The following ELFN2 variants were observed in gnomAD, a reference collection of about 807,000 sequenced individuals.
ELFN2 encodes extracellular leucine rich repeat and fibronectin type III domain containing 2.
A neutral mutation model predicts 45.5 loss-of-function variants in ELFN2; 17 were observed. That is an observed-to-expected ratio of 0.37 (90% CI 0.26 to 0.56). The LOEUF (loss-of-function observed/expected upper bound fraction) is 0.56, where lower values mean the gene tolerates loss of function less well. ELFN2 is among the 20% of genes least tolerant of loss of function. The probability of loss-of-function intolerance (pLI) is 0.77; values close to 1 mark genes in which losing one functional copy is unlikely to be tolerated. For synonymous variants in ELFN2, 550 were observed against 551.5 expected, an observed-to-expected ratio of 1.00 and a Z score of 0.04; for missense variants, 922 against 1,183.2, an observed-to-expected ratio of 0.78 and a Z score of 3.24.
chr22:37,423,517 T>A (rs1932825969), intron 1 of ELFN2, among the ~76,000 whole-genome samples: 1 of 152,170 alleles, frequency 6.6e-6, no homozygotes, highest in South Asian at 2.1e-4. Flanking sequence ...TGTGTGGCCC[T>A]GGACTGGTCT....
At chr22:37,409,592 C>A (rs1932595738) in intron 2 of ELFN2, among the ~76,000 whole-genome samples, 1 of 152,240 alleles carries the variant, frequency 6.6e-6, no homozygotes, top group Non-Finnish European at 1.5e-5. Context: ...TCCCCTCAAA[C>A]CAGCCCACCC....
rs1459239788 is a variant in ELFN2 at position 37,417,265 on chromosome 22, C to A, written c.-463+504G>T. Among the ~76,000 whole-genome samples, 1 of 152,252 alleles carries A rather than the reference C, an allele frequency of 6.6e-6. No homozygotes were observed. Among genetic ancestry groups the A allele is most frequent in the Admixed American group, 6.5e-5 (1 of 15,288 alleles). The stretch of plus-strand genomic sequence containing the variant: ...CCTCCAAAATTCAATGACATAGGAT[C>A]AGGCCCCATATCAATTCTGCTGGCG... On this transcript the variant is annotated intron_variant, in intron 2 of 2. Transcript: ENST00000402918. This position sits in a 1 kb window ranked among gnomAD's most constrained non-coding sequence, Gnocchi z 4.5.
chr22:37,383,788 C>T (rs1189732463), intron 2 of ELFN2, among the ~76,000 whole-genome samples: 4 of 152,222 alleles, frequency 2.6e-5, no homozygotes, highest in Non-Finnish European at 4.4e-5. Context: ...TTAACAAGAA[C>T]CACACAGCAC....
intron 1 of ELFN2, among the ~76,000 whole-genome samples, chr22:37,350,168 G>A (rs1395218280): frequency 6.6e-6 from 1 of 150,998 alleles, no homozygotes; most frequent in Non-Finnish European, 1.5e-5. Flanking sequence ...GAGTGAGCGG[G>A]TCCAAGGAGA....
intron 1 of ELFN2, among the ~76,000 whole-genome samples, chr22:37,344,654 C>T (rs1451309935): frequency 6.6e-6 from 1 of 152,162 alleles, no homozygotes; most frequent in Non-Finnish European, 1.5e-5. Context: ...ACTGTCTCTA[C>T]CCCCCTTCCA....
intron 1 of ELFN2, among the ~76,000 whole-genome samples, chr22:37,348,180 G>A (rs1000624209): frequency 1.4e-4 from 21 of 152,370 alleles, no homozygotes; most frequent in African/African-American, 4.8e-4. Flanking sequence ...GAAGTTCACA[G>A]ACACGTGCGC....
At chr22:37,391,217 AC>A (rs1243985820) in intron 2 of ELFN2, among the ~76,000 whole-genome samples, 9 of 151,942 alleles carry the variant, frequency 5.9e-5, no homozygotes, top group Middle Eastern at 3.4e-3. Context: ...CTGGCTCCCG[AC>A]CCCCATCCCA....
intron 2 of ELFN2, among the ~76,000 whole-genome samples, chr22:37,413,416 G>C (rs1450961899): frequency 6.7e-6 from 1 of 148,942 alleles, no homozygotes; most frequent in East Asian, 2.0e-4. Flanking sequence ...AAAAAAAAAA[G>C]CTTGGCATGG....
chr22:37,358,217 A>G (rs1930995938), intron 1 of ELFN2, among the ~76,000 whole-genome samples: 1 of 152,088 alleles, frequency 6.6e-6, no homozygotes, highest in Admixed American at 6.5e-5. Flanking sequence ...GGCCCTAGAA[A>G]CAGCTTTGTC....
chr22:37,366,962 G>T (rs889842296), downstream of ELFN2, among the ~76,000 whole-genome samples: 1 of 152,208 alleles, frequency 6.6e-6, no homozygotes, highest in South Asian at 2.1e-4. Flanking sequence ...AGGCAGGCAG[G>T]GGGGCAGGAA....
At chr22:37,427,266 C>CG (rs1932860265) in intron 1 of ELFN2, 32 bp downstream of exon 1, 1 of 141,606 alleles carries the variant, frequency 7.1e-6, no homozygotes, top group Non-Finnish European at 1.5e-5. Flanking sequence ...GTCGGTCGGT[C>CG]GCGGCGCTCG....
At chr22:37,390,072 G>A (rs1420553549) in intron 2 of ELFN2, among the ~76,000 whole-genome samples, 1 of 152,212 alleles carries the variant, frequency 6.6e-6, no homozygotes, top group Non-Finnish European at 1.5e-5. Context: ...TGCCCCAACA[G>A]GCTGCATGGC....
In ELFN2 at chr22:37,373,465, C is replaced by G. The variant is rs1425654937; in HGVS notation, c.2070G>C (p.Gly690=). 6.5e-7 allele frequency: 1 copy of G among 1,531,910 alleles called. No homozygotes were observed. The highest frequency in any genetic ancestry group is 2.0e-5 in the Admixed American group (1 of 50,428). 94.9% of individuals were successfully genotyped at this position (1,531,910 alleles called of 1,614,324 possible). Residue 690 remains glycine, a synonymous_variant, in exon 3 of 3, where the codon GGG becomes GGC. Transcript: ENST00000402918. The part of the protein sequence containing the change: ...VPAGSGGGSG[G]GGGIHHLEVK... ...CCTCCAGGTGGTGGATGCCCCCGCC[C>G]CCGCCGCTGCCCCCGCCGCTGCCCG...
rs561706053 is a variant in ELFN2, at chr22:37,403,800, A to C, written c.-463+13969T>G. On this transcript the variant is annotated intron_variant, in intron 2 of 2. Transcript: ENST00000402918. ...GCCCGCCGTGTATGCACACGTGTAC[A>C]CGCACCTGCACACGCCGAGGAGACC... 1.9e-3 allele frequency among the ~76,000 whole-genome samples: 288 copies of C among 152,350 alleles called. 1 individual carries two copies. Among genetic ancestry groups the C allele is most frequent in the Non-Finnish European group, 2.6e-3 (176 of 68,030 alleles).
Position 37,373,154 on chromosome 22 carries a change from T to C in ELFN2, c.2381A>G (p.Lys794Arg). 1 of 1,613,700 alleles carries C rather than the reference T, an allele frequency of 6.2e-7. No individual in the cohort carries two copies. The highest frequency in any genetic ancestry group is 1.1e-5 in the South Asian group (1 of 91,070). ...VYMAAGHALRKKVQFAKDEDL... is the reference protein window; with the variant it reads ...VYMAAGHALRRKVQFAKDEDL... ...CTCGTCCTTGGCGAACTGGACCTTCTTGCGCAGGGCGTGACCGGCGGCCAT... is the reference window on the plus strand; with the variant it reads ...CTCGTCCTTGGCGAACTGGACCTTCCTGCGCAGGGCGTGACCGGCGGCCAT... The change falls in exon 3 of 3, where the codon AAG (lysine) becomes AGG (arginine). Residue 794 changes from lysine (K) to arginine (R), a missense_variant. This residue lies in a region of ELFN2 where 564 missense variants were observed against 642.8 expected (regional missense o/e 0.88). Coordinates refer to ENST00000402918, the MANE Select transcript of ELFN2 (RefSeq NM_052906.5).
chr22:37,412,363 C>A (rs1044571586), intron 2 of ELFN2, among the ~76,000 whole-genome samples: 44 of 152,122 alleles, frequency 2.9e-4, no homozygotes, highest in Middle Eastern at 3.4e-3. Context: ...CCTCCACCCT[C>A]AGACTGGGGC....
chr22:37,401,118 A>T (rs1450790271), intron 2 of ELFN2, among the ~76,000 whole-genome samples: 1 of 152,208 alleles, frequency 6.6e-6, no homozygotes, highest in African/African-American at 2.4e-5. Flanking sequence ...CGTGGGGCCT[A>T]GGCCAGGTGG....
At position 37,374,846 on chromosome 22, in the gene ELFN2, C is replaced by T. The variant is rs760630459; in HGVS notation, c.689G>A (p.Arg230Gln). ...GATGGCGTTGAGGCTGTGGTAGGGC[C>T]GGGGCACCAGCAGCGGGTAGCCGGC... is the stretch of plus-strand genomic sequence containing the variant. ...EFAGYPLLVP[R>Q]PYHSLNAITV... is the part of the protein sequence containing the mutation. Residue 230 changes from arginine (R) to glutamine (Q), a missense_variant, in exon 3 of 3, where the codon CGG (arginine) becomes CAG (glutamine). By Grantham distance (43) the Arg-to-Gln change is conservative. Around this residue, in one of 2 missense-constraint regions of ELFN2, gnomAD observed 358 missense variants for 540.4 expected, o/e 0.66. Coordinates refer to ENST00000402918, the MANE Select transcript of ELFN2 (RefSeq NM_052906.5). 32 of 1,607,462 alleles carry T rather than the reference C, an allele frequency of 2.0e-5. No individual in the cohort carries two copies. The highest frequency in any genetic ancestry group is 3.3e-5 in the Admixed American group (2 of 59,982).
Position 37,351,590 on chromosome 22 carries a change from C to T in ELFN2, n.149-8887G>A, listed in dbSNP as rs144677494. Among the ~76,000 whole-genome samples the T allele has an allele frequency of 5.7e-4, 86 of 150,442 alleles. 1 individual carries two copies. The highest frequency in any genetic ancestry group is 2.0e-3 in the African/African-American group (84 of 41,346). On this transcript the variant is annotated intron_variant and non_coding_transcript_variant, in intron 1 of 2. Transcript: ENST00000452946. ...CCCATGCTCCAGCGTCCCCCCCACC[C>T]TCTCGACTTCTGACCATCCCAAAGT...
Sources: gnomAD v4.1 joint callset for allele counts (sites outside exome capture counted in the v4.1 genomes callset) on GRCh38, gnomAD v4.1.1 for gene constraint, gnomAD v4.1.1 regional missense constraint, Gnocchi (gnomAD v3.1) non-coding constraint, MANE v1.5 for transcripts, NCBI Gene and HGNC (gene_info 2026-07-23, HGNC 2026-07-21) for gene names.